The following COPZ2 variants were observed in gnomAD, a reference collection of about 807,000 sequenced individuals.
The protein encoded by COPZ2 is coatomer subunit zeta-2.
Under a neutral mutation model 33.2 loss-of-function variants are expected in COPZ2, and 30 were observed. That is an observed-to-expected ratio of 0.90 (90% CI 0.68 to 1.23). The LOEUF (loss-of-function observed/expected upper bound fraction) is 1.23, where lower values mean the gene tolerates loss of function less well. Among genes scored for constraint, COPZ2 ranks in the 50% most tolerant of loss-of-function variants. The pLI, the probability that COPZ2 is intolerant of heterozygous loss-of-function variation, is 0.00. For missense variants in COPZ2, 263 were observed against 262.4 expected (o/e 1.00, Z -0.02); for synonymous variants, 89 against 102.6 (o/e 0.87, Z 0.80).
chr17:48,038,610 A>G (rs77566800), upstream of COPZ2, among the ~76,000 whole-genome samples: 3,834 of 152,332 alleles, frequency 0.025, 69 homozygotes, highest in Non-Finnish European at 0.038. Context: ...CACCTGTAAG[A>G]TAGGCATAAT....
chr17:48,033,249 G>A lies in COPZ2; in HGVS notation c.322C>T (p.Leu108Phe), dbSNP rs752487176. The A allele has an allele frequency of 6.2e-7, 1 of 1,613,306 alleles. No homozygotes were observed. The highest frequency in any genetic ancestry group is 8.5e-7 in the Non-Finnish European group (1 of 1,179,540). The stretch of plus-strand genomic sequence containing the variant: ...GATGAGCCCACCACGTATAGGAAGA[G>A]GTCAATGCTGTTCTTGTAGACGATG... The part of the protein sequence containing the change: ...MTIVYKNSID[L>F]FLYVVGSSYE... Residue 108 changes from leucine to phenylalanine, a missense_variant, in exon 4 of 9, where the codon CTC becomes TTC. Leu to Phe is a conservative substitution (Grantham distance 22). Coordinates refer to ENST00000621465, the MANE Select transcript of COPZ2 (RefSeq NM_016429.4).
chr17:48,029,965 C>A (rs908670314), intron 6 of COPZ2, among the ~76,000 whole-genome samples: 2 of 147,894 alleles, frequency 1.4e-5, no homozygotes, highest in Non-Finnish European at 3.0e-5. Context: ...GAGACTCTGT[C>A]TAAAAAAAAA....
upstream of COPZ2, among the ~76,000 whole-genome samples, chr17:48,040,895 A>C (rs1007679271): frequency 2.6e-5 from 4 of 151,528 alleles, no homozygotes; most frequent in Non-Finnish European, 5.9e-5. Flanking sequence ...CATACCTGTA[A>C]TCCCAGCACT....
intron 6 of COPZ2, among the ~76,000 whole-genome samples, chr17:48,030,289 A>AATACAC (rs1175168287): frequency 7.8e-6 from 1 of 128,308 alleles, no homozygotes; most frequent in Non-Finnish European, 1.8e-5. Context: ...TCCATCTCAA[A>AATACAC]ACACACACAC....
At chr17:48,031,888 C>G in intron 6 of COPZ2, 1 of 508,386 alleles carries the variant, frequency 2.0e-6, no homozygotes, top group Non-Finnish European at 3.6e-6. Context: ...GGATTTTCCC[C>G]AAACCCTGCC....
chr17:48,026,805 C>G (rs745579716), intron 8 of COPZ2, among the ~76,000 whole-genome samples: 28 of 152,386 alleles, frequency 1.8e-4, no homozygotes, highest in Non-Finnish European at 3.7e-4. Context: ...CAGGCGGAGA[C>G]GGGGCCCAGG....
intron 4 of COPZ2, 144 bp from the exon 5 acceptor site, chr17:48,032,885 G>A (rs1057302696): frequency 2.1e-5 from 14 of 669,330 alleles, no homozygotes; most frequent in Non-Finnish European, 2.9e-5. Context: ...GACATTAGAG[G>A]GAACTTCCAT....
upstream of COPZ2, among the ~76,000 whole-genome samples, chr17:48,041,611 C>T (rs756108346): frequency 6.6e-6 from 1 of 152,104 alleles, no homozygotes. Context: ...TTCTTGCAGG[C>T]TATCAGTTAT....
the COPZ2 span, among the ~76,000 whole-genome samples, chr17:48,043,057 T>C: frequency 0.091 from 13,820 of 152,348 alleles, 778 homozygotes; most frequent in East Asian, 0.21. Context: ...ATGAGAAGCA[T>C]GCACGTGCAG....
the COPZ2 span, chr17:48,047,494 C>G: frequency 2.6e-5 from 4 of 152,148 alleles, no homozygotes; most frequent in Non-Finnish European, 4.4e-5. Context: ...GGCAATATAA[C>G]CAGATGGGAC....
rs1004152629 is a variant in COPZ2 at position 48,028,989 on chromosome 17, CT to C, written c.546+135del. Reference sequence around the variant, plus strand: ...CCAGAAACTGCTGCTCATCTCACCCCTAACAAGTGTGTCAGCCCAGTGGTTG... The same window carrying C: ...CCAGAAACTGCTGCTCATCTCACCCCAACAAGTGTGTCAGCCCAGTGGTTG... On this transcript the variant is annotated intron_variant, in intron 7 of 8. Transcript: ENST00000621465. The surrounding 1 kb of genome is among the most constrained non-coding windows in gnomAD (Gnocchi z 4.5). 4 of 750,438 alleles carry C rather than the reference CT, an allele frequency of 5.3e-6. No individual in the cohort carries two copies. Among genetic ancestry groups the C allele is most frequent in the Non-Finnish European group, 8.8e-6 (4 of 453,720 alleles). The allele number at this position is 750,438 out of a possible 1,614,324, so 46.5% of individuals were successfully genotyped here. A position where few individuals can be genotyped will look rare whatever the true frequency, so the allele number is the denominator to read the frequency against.
chr17:48,043,423 C>T, the COPZ2 span: 1 of 683,952 alleles, frequency 1.5e-6, no homozygotes, highest in Non-Finnish European at 1.8e-6. Flanking sequence ...GAAGAAACAG[C>T]TCCCTTGGGT....
At chr17:48,036,797 A>T in intron 2 of COPZ2, 54 bp downstream of exon 2, 1 of 1,532,046 alleles carries the variant, frequency 6.5e-7, no homozygotes, top group Non-Finnish European at 9.0e-7. Context: ...CTCCTGAGAC[A>T]GGAGTGTCAG....
At chr17:48,043,090 TC>T in the COPZ2 span, among the ~76,000 whole-genome samples, 1 of 152,140 alleles carries the variant, frequency 6.6e-6, no homozygotes, top group Non-Finnish European at 1.5e-5. Context: ...CAGGAGAGCC[TC>T]CCCAGCTCGA....
At chr17:48,046,681 C>G in the COPZ2 span, 2 of 152,228 alleles carry the variant, frequency 1.3e-5, no homozygotes, top group South Asian at 4.1e-4. Context: ...CATTGTCTCA[C>G]TACTTCGGGG....
the COPZ2 span, among the ~76,000 whole-genome samples, chr17:48,044,482 A>G: frequency 9.6e-5 from 14 of 145,188 alleles, no homozygotes; most frequent in African/African-American, 3.6e-4. Flanking sequence ...GGCTGTGCAT[A>G]AGAATCACCT....
chr17:48,040,147 C>G (rs74412170), upstream of COPZ2, among the ~76,000 whole-genome samples: 12,927 of 143,734 alleles, frequency 0.09, 736 homozygotes, highest in East Asian at 0.2. Flanking sequence ...CACACACACA[C>G]ACACACAAAC....
the COPZ2 span, chr17:48,045,439 G>A: frequency 6.6e-6 from 1 of 152,146 alleles, no homozygotes; most frequent in South Asian, 2.1e-4. Flanking sequence ...GATGACTGCA[G>A]GATGGATGTG....
At position 48,026,361 on chromosome 17, in the gene COPZ2, G is replaced by C; in HGVS notation, c.*67C>G. The C allele has an allele frequency of 7.6e-7, 1 of 1,317,796 alleles. No individual in the cohort carries two copies. The highest frequency in any genetic ancestry group is 1.1e-6 in the Non-Finnish European group (1 of 913,310). 81.6% of individuals were successfully genotyped at this position (1,317,796 alleles called of 1,614,324 possible). A position where few individuals can be genotyped will look rare whatever the true frequency, so the allele number is the denominator to read the frequency against. On this transcript the variant is annotated 3_prime_UTR_variant, in exon 9 of 9. Coordinates refer to ENST00000621465, the MANE Select transcript of COPZ2 (RefSeq NM_016429.4). ...ACAGAGGGGTCTCTCCTGACCCTGG[G>C]ATCTTTGGGCTTTTGCCAGGATTGG...
Sources: allele counts gnomAD v4.1 joint callset (sites outside exome capture counted in the v4.1 genomes callset), GRCh38; gene constraint gnomAD v4.1.1; non-coding constraint Gnocchi (gnomAD v3.1); transcripts MANE v1.5; gene names NCBI Gene and HGNC (gene_info 2026-07-23, HGNC 2026-07-21).